ZNF248: variants seen among roughly 807,000 people sequenced by gnomAD.
ZNF248 encodes KRAB protein domain.
In ZNF248, 20 loss-of-function variants were observed where a neutral mutation model predicts 44.3. The observed-to-expected ratio is 0.45, with a 90% confidence interval of 0.32 to 0.66. The LOEUF (loss-of-function observed/expected upper bound fraction) is 0.66. Ranked by LOEUF, ZNF248 falls within the 30% of genes least tolerant of loss-of-function variation. ZNF248 has a pLI of 0.04. For missense variants in ZNF248, 654 were observed against 677.0 expected (o/e 0.97, Z 0.38); for synonymous variants, 224 against 229.0 (o/e 0.98, Z 0.20).
At chr10:37,842,175 A>T (rs184912283) in intron 3 of ZNF248, among the ~76,000 whole-genome samples, 32 of 152,274 alleles carry the variant, frequency 2.1e-4, no homozygotes, top group African/African-American at 7.5e-4. Flanking sequence ...CTTTTCCATA[A>T]ATCTAAAACT....
chr10:37,797,743 A>C (rs1458120770), intron 6 of ZNF248, among the ~76,000 whole-genome samples: 4 of 152,144 alleles, frequency 2.6e-5, no homozygotes, highest in Non-Finnish European at 4.4e-5. Context: ...ATCAACTCAA[A>C]ATCACAATGA....
intron 6 of ZNF248, among the ~76,000 whole-genome samples, chr10:37,790,227 C>T (rs1193594858): frequency 1.3e-5 from 2 of 148,536 alleles, no homozygotes; most frequent in Non-Finnish European, 3.0e-5. Context: ...GCCGAGATCG[C>T]GCCACTGCAC....
the ZNF248 span, among the ~76,000 whole-genome samples, chr10:37,766,461 G>A: frequency 6.6e-6 from 1 of 152,184 alleles, no homozygotes; most frequent in Non-Finnish European, 1.5e-5. Flanking sequence ...AAGATCCGCT[G>A]TTCTACAGCC....
intron 6 of ZNF248, among the ~76,000 whole-genome samples, chr10:37,807,953 TACG>T (rs757546647): frequency 6.6e-6 from 1 of 152,206 alleles, no homozygotes; most frequent in Non-Finnish European, 1.5e-5. Context: ...TTTACCCGAG[TACG>T]ACATTAGCTG....
chr10:37,835,067 T>G (rs566298489), intron 5 of ZNF248, among the ~76,000 whole-genome samples: 1 of 152,092 alleles, frequency 6.6e-6, no homozygotes, highest in East Asian at 1.9e-4. Context: ...AATTTATTAA[T>G]AAGCAGCAAC....
intron 3 of ZNF248, among the ~76,000 whole-genome samples, chr10:37,838,732 T>C (rs915296590): frequency 6.0e-5 from 9 of 149,614 alleles, no homozygotes; most frequent in African/African-American, 1.7e-4. Flanking sequence ...TGTGAAGAGA[T>C]AGGGACAATG....
In ZNF248 at chr10:37,819,107, A is replaced by G. The variant is rs1470502749; in HGVS notation, c.330+13918T>C. On this transcript the variant is annotated intron_variant, in intron 6 of 6. Transcript: ENST00000615949. ...CTCTGTAATTTTTCTCTCTCCACAC[A>G]CTGTACCATTTACTAAAAGAATATT... 24 of 783,132 alleles carry G rather than the reference A, an allele frequency of 3.1e-5. No homozygotes were observed. The East Asian group carries it at 5.7e-4, about 18-fold the overall frequency. 48.5% of individuals were successfully genotyped at this position (783,132 alleles called of 1,614,324 possible). A position where few individuals can be genotyped will look rare whatever the true frequency, so the allele number is the denominator to read the frequency against.
intron 6 of ZNF248, among the ~76,000 whole-genome samples, chr10:37,817,527 C>A (rs11597286): frequency 0.13 from 20,149 of 152,006 alleles, 1,424 homozygotes; most frequent in Admixed American, 0.2. Context: ...TCTCAGTACT[C>A]CCACTCAATT....
At chr10:37,784,958 C>T (rs752289057) in intron 6 of ZNF248, among the ~76,000 whole-genome samples, 7 of 152,228 alleles carry the variant, frequency 4.6e-5, no homozygotes, top group African/African-American at 7.2e-5. Context: ...ATACAATTTG[C>T]GTCTCCTGCC....
At chr10:37,760,863 A>T in the ZNF248 span, among the ~76,000 whole-genome samples, 1 of 152,216 alleles carries the variant, frequency 6.6e-6, no homozygotes, top group Non-Finnish European at 1.5e-5. Context: ...ATAAAGACAT[A>T]CTAAAACATT....
chr10:37,812,390 G>A (rs112468994), intron 6 of ZNF248, among the ~76,000 whole-genome samples: 40 of 152,204 alleles, frequency 2.6e-4, no homozygotes, highest in African/African-American at 7.7e-4. Context: ...AAGGCAGGAA[G>A]GGAAAGGCTA....
At chr10:37,846,058 T>C (rs1403627586) in intron 3 of ZNF248, among the ~76,000 whole-genome samples, 3 of 152,218 alleles carry the variant, frequency 2.0e-5, no homozygotes, top group Non-Finnish European at 4.4e-5. Flanking sequence ...TTTCCTGAAA[T>C]GTACCATCAC....
At chr10:37,805,511 T>G (rs1437726167) in intron 6 of ZNF248, among the ~76,000 whole-genome samples, 1 of 152,200 alleles carries the variant, frequency 6.6e-6, no homozygotes, top group Non-Finnish European at 1.5e-5. Flanking sequence ...ACTGTACAAC[T>G]GTAACCCATC....
rs752566809 is a variant in ZNF248, at chr10:37,833,003, T to C, written c.352A>G (p.Arg118Gly). ...CCCAAATTGAAAGTTTTGCTTCCTC[T>C]ATCTCCATTTTCTACACTTACTGTT... ...NKTVSVENGD[R>G]GSKTFNLGTD... is the part of the protein sequence containing the mutation. Residue 118 changes from arginine (R) to glycine (G), a missense_variant, in exon 6 of 6, where the codon AGA (arginine) becomes GGA (glycine). Physicochemically the swap from Arg to Gly is moderately radical, Grantham distance 125 (BLOSUM62 -2). Coordinates refer to ENST00000395867, the MANE Select transcript of ZNF248 (RefSeq NM_021045.3). 1 of 1,613,778 alleles carries C rather than the reference T, an allele frequency of 6.2e-7. No individual in the cohort carries two copies. The highest frequency in any genetic ancestry group is 1.7e-5 in the Admixed American group (1 of 59,988).
intron 3 of ZNF248, among the ~76,000 whole-genome samples, chr10:37,839,086 T>C (rs915054285): frequency 6.6e-6 from 1 of 152,232 alleles, no homozygotes; most frequent in Non-Finnish European, 1.5e-5. Flanking sequence ...ATATGGTTTA[T>C]ACTCAGTATG....
chr10:37,786,520 A>G (rs142257111), intron 6 of ZNF248, among the ~76,000 whole-genome samples: 243 of 152,334 alleles, frequency 1.6e-3, no homozygotes, highest in African/African-American at 5.6e-3. Flanking sequence ...TATGCATTAT[A>G]TGACTATATA....
At chr10:37,823,333 C>CAAAAAAAAAAAAAA (rs60957023) in intron 6 of ZNF248, among the ~76,000 whole-genome samples, 10 of 17,538 alleles carry the variant, frequency 5.7e-4, no homozygotes, top group South Asian at 3.9e-3. Context: ...ACTCCGTCTC[C>CAAAAAAAAAAAAAA]AAAAAAAAAA....
intron 6 of ZNF248, among the ~76,000 whole-genome samples, chr10:37,805,796 T>C (rs1255784806): frequency 6.6e-6 from 1 of 152,160 alleles, no homozygotes; most frequent in African/African-American, 2.4e-5. Flanking sequence ...GGTGGTTACC[T>C]ACACAATGTT....
chr10:37,764,334 G>A, the ZNF248 span, among the ~76,000 whole-genome samples: 18 of 152,282 alleles, frequency 1.2e-4, no homozygotes, highest in African/African-American at 4.3e-4. Context: ...GGTCAGACCG[G>A]TTGTCTGCTC....
Sources: allele counts gnomAD v4.1 joint callset (sites outside exome capture counted in the v4.1 genomes callset), GRCh38; gene constraint gnomAD v4.1.1; transcripts MANE v1.5; gene names NCBI Gene and HGNC (gene_info 2026-07-23, HGNC 2026-07-21).